Variants in HHAT observed in about 807,000 individuals in gnomAD.
HHAT encodes the protein protein-cysteine N-palmitoyltransferase HHAT.
In HHAT, 47 loss-of-function variants were observed where a neutral mutation model predicts 70.8. That is an observed-to-expected ratio of 0.66 (90% CI 0.53 to 0.85). The LOEUF is 0.85. Ranked by LOEUF, HHAT falls within the 40% of genes least tolerant of loss-of-function variation. The pLI is 0.00. For synonymous variants in HHAT, 228 were observed against 247.6 expected, an observed-to-expected ratio of 0.92 and a Z score of 0.74; for missense variants, 609 against 604.8, an observed-to-expected ratio of 1.01 and a Z score of -0.07.
intron 3 of HHAT, among the ~76,000 whole-genome samples, chr1:210,366,033 C>T (rs567982654): frequency 5.8e-4 from 88 of 152,082 alleles, no homozygotes; most frequent in African/African-American, 1.9e-3. Flanking sequence ...TAGGCTCAAA[C>T]GATCCTTCTG....
intron 8 of HHAT, among the ~76,000 whole-genome samples, chr1:210,507,296 G>A (rs1017166269): frequency 6.6e-6 from 1 of 151,318 alleles, no homozygotes; most frequent in African/African-American, 2.4e-5. Context: ...TTTTCCTACT[G>A]TAGCTCCTTA....
intron 9 of HHAT, among the ~76,000 whole-genome samples, chr1:210,562,234 C>G (rs1486304571): frequency 7.4e-6 from 1 of 135,648 alleles, no homozygotes; most frequent in Non-Finnish European, 1.5e-5. Context: ...CAGCACAAAT[C>G]AAGCACTAAT....
chr1:210,655,512 C>T (rs1676199860), intron 11 of HHAT, among the ~76,000 whole-genome samples: 2 of 152,172 alleles, frequency 1.3e-5, no homozygotes, highest in African/African-American at 4.8e-5. Flanking sequence ...GAGAGGAACT[C>T]TTGCTGGAGG....
At chr1:210,651,314 G>C (rs550902835) in intron 11 of HHAT, among the ~76,000 whole-genome samples, 4 of 152,146 alleles carry the variant, frequency 2.6e-5, no homozygotes, top group Non-Finnish European at 5.9e-5. Flanking sequence ...GACTATACTA[G>C]GTATTTAAGC....
intron 8 of HHAT, among the ~76,000 whole-genome samples, chr1:210,484,978 G>A (rs2094452824): frequency 6.6e-6 from 1 of 152,062 alleles, no homozygotes; most frequent in Admixed American, 6.6e-5. Flanking sequence ...TAAATTTGGG[G>A]TCATTGCTGG....
At chr1:210,601,547 C>T (rs1246400408) in intron 10 of HHAT, among the ~76,000 whole-genome samples, 1 of 152,082 alleles carries the variant, frequency 6.6e-6, no homozygotes, top group Non-Finnish European at 1.5e-5. Context: ...TAGGCATAGT[C>T]AACGTGGCTA....
chr1:210,583,711 C>G (rs1462705965), intron 9 of HHAT, among the ~76,000 whole-genome samples: 1 of 152,096 alleles, frequency 6.6e-6, no homozygotes, highest in African/African-American at 2.4e-5. Flanking sequence ...ATATGAATTT[C>G]TGGAATAAAA....
intron 9 of HHAT, among the ~76,000 whole-genome samples, chr1:210,529,405 C>CG (rs1446121183): frequency 1.3e-5 from 2 of 151,672 alleles, no homozygotes; most frequent in Non-Finnish European, 2.9e-5. Context: ...CTATGAGAAG[C>CG]GGGGATATCA....
At chr1:210,493,398 T>C (rs1474945168) in intron 8 of HHAT, among the ~76,000 whole-genome samples, 1 of 152,200 alleles carries the variant, frequency 6.6e-6, no homozygotes, top group African/African-American at 2.4e-5. Context: ...ACAGAATTAC[T>C]TCCTCTTTGG....
At chr1:210,535,455 G>GT (rs200239931) in intron 9 of HHAT, among the ~76,000 whole-genome samples, 1,552 of 148,936 alleles carry the variant, frequency 0.01, 8 homozygotes, top group African/African-American at 0.023. Flanking sequence ...GTGTGTGTGT[G>GT]GGGTAAAATA....
At chr1:210,549,682 A>G (rs1044105880) in intron 9 of HHAT, among the ~76,000 whole-genome samples, 1 of 146,760 alleles carries the variant, frequency 6.8e-6, no homozygotes, top group Non-Finnish European at 1.5e-5. Context: ...TCTGTTTACC[A>G]TATGGCATTA....
chr1:210,397,097 TA>T (rs2091831161), intron 4 of HHAT, among the ~76,000 whole-genome samples: 8 of 151,534 alleles, frequency 5.3e-5, no homozygotes, highest in Admixed American at 4.6e-4. Context: ...ATATCCTGGT[TA>T]TGATATTTGT....
chr1:210,576,593 C>G (rs534916571), intron 9 of HHAT, among the ~76,000 whole-genome samples: 1 of 151,724 alleles, frequency 6.6e-6, no homozygotes, highest in Admixed American at 6.6e-5. Flanking sequence ...GTGCAGCACA[C>G]CAACATGACG....
chr1:210,561,563 A>G (rs1296244452), intron 9 of HHAT, among the ~76,000 whole-genome samples: 1 of 152,196 alleles, frequency 6.6e-6, no homozygotes, highest in Non-Finnish European at 1.5e-5. Flanking sequence ...GTAAGTGTTC[A>G]TTCTTACCCT....
chr1:210,608,791 G>A (rs913980908), intron 10 of HHAT, among the ~76,000 whole-genome samples: 1 of 152,122 alleles, frequency 6.6e-6, no homozygotes, highest in Admixed American at 6.5e-5. Flanking sequence ...TAAGTGTCTG[G>A]TGAGGGCCCA....
intron 9 of HHAT, among the ~76,000 whole-genome samples, chr1:210,570,707 G>A (rs770099301): frequency 2.0e-5 from 3 of 152,192 alleles, no homozygotes; most frequent in Non-Finnish European, 4.4e-5. Flanking sequence ...CTCCAAGCAA[G>A]CTCCTCACTG....
rs544183120 is a variant in HHAT at position 210,620,388 on chromosome 1, A to G, written c.1246-3138A>G. On this transcript the variant is annotated intron_variant, in intron 10 of 11. Transcript: ENST00000261458. ...TCCAAAATGTCCAGAGAATGCAAAG[A>G]GGAGAGATGGATTGCAGCTGAGACT... Among the ~76,000 whole-genome samples the G allele has an allele frequency of 2.2e-4, 34 of 152,294 alleles. 1 individual carries two copies. The South Asian group carries it at 7.1e-3, about 32-fold the overall frequency.
intron 9 of HHAT, among the ~76,000 whole-genome samples, chr1:210,585,850 G>A (rs941753011): frequency 4.6e-5 from 7 of 152,198 alleles, no homozygotes; most frequent in Non-Finnish European, 8.8e-5. Flanking sequence ...AGACCTAACA[G>A]GATTCCTCCT....
intron 6 of HHAT, among the ~76,000 whole-genome samples, chr1:210,410,944 C>T (rs3753228): frequency 0.17 from 25,244 of 152,112 alleles, 2,538 homozygotes; most frequent in East Asian, 0.26. Flanking sequence ...TGTAATTATG[C>T]CTTATTATAC....
Sources: gnomAD v4.1 joint callset for allele counts (sites outside exome capture counted in the v4.1 genomes callset) on GRCh38, gnomAD v4.1.1 for gene constraint, MANE v1.5 for transcripts, NCBI Gene and HGNC (gene_info 2026-07-23, HGNC 2026-07-21) for gene names.